The following CASC3 variants were observed in gnomAD, a reference collection of about 807,000 sequenced individuals.
CASC3 encodes the protein CASC3 exon junction complex subunit, also known as protein CASC3.
In CASC3, 30 loss-of-function variants were observed where a neutral mutation model predicts 80.5. That is an observed-to-expected ratio of 0.37 (90% CI 0.28 to 0.51). CASC3 has a LOEUF of 0.51. CASC3 is among the 20% of genes least tolerant of loss of function. CASC3 has a pLI of 0.94. For missense variants in CASC3, 824 were observed against 922.2 expected, an observed-to-expected ratio of 0.89 and a Z score of 1.38; for synonymous variants, 312 against 333.6, an observed-to-expected ratio of 0.94 and a Z score of 0.70.
intron 3 of CASC3, among the ~76,000 whole-genome samples, chr17:40,152,388 C>G (rs1379860064): frequency 6.6e-6 from 1 of 151,588 alleles, no homozygotes; most frequent in Non-Finnish European, 1.5e-5. Flanking sequence ...GTGGCATGAT[C>G]TCAGCTCACT....
intron 6 of CASC3, 142 bp downstream of exon 6, chr17:40,163,043 A>T: frequency 1.8e-6 from 1 of 556,578 alleles, no homozygotes; most frequent in South Asian, 3.0e-5. Flanking sequence ...GAACATAGTG[A>T]GACCCTGTCT....
intron 3 of CASC3, among the ~76,000 whole-genome samples, chr17:40,148,317 C>T (rs928604328): frequency 3.9e-5 from 6 of 151,968 alleles, no homozygotes; most frequent in South Asian, 2.1e-4. Flanking sequence ...CAGTGTAGGG[C>T]CCTGTCCCCA....
chr17:40,142,171 T>A (rs1190681949), intron 3 of CASC3, among the ~76,000 whole-genome samples: 1 of 152,164 alleles, frequency 6.6e-6, no homozygotes, highest in Non-Finnish European at 1.5e-5. Flanking sequence ...ATAGGGGGAA[T>A]TGGATGGTGG....
intron 3 of CASC3, 116 bp from the exon 4 acceptor site, chr17:40,161,637 C>A: frequency 1.2e-6 from 1 of 840,826 alleles, no homozygotes; most frequent in Non-Finnish European, 1.9e-6. Context: ...TGAGATTGTG[C>A]CACTGTATTC....
At position 40,140,799 on chromosome 17, in the gene CASC3, G is replaced by A; in HGVS notation, c.231+20G>A. ...GAGTGTGTGAGTGCGCGCAGGCGGGGCGGGGTGGGGACCGGGCGGCGAGCC... is the reference window on the plus strand; with the variant it reads ...GAGTGTGTGAGTGCGCGCAGGCGGGACGGGGTGGGGACCGGGCGGCGAGCC... On this transcript the variant is annotated intron_variant, in intron 1 of 13. Transcript: ENST00000264645. The A allele has an allele frequency of 7.0e-7, 1 of 1,425,178 alleles. No individual in the cohort carries two copies. The highest frequency in any genetic ancestry group is 9.2e-7 in the Non-Finnish European group (1 of 1,083,366). The allele number at this position is 1,425,178 out of a possible 1,614,324, so 88.3% of individuals were successfully genotyped here.
intron 3 of CASC3, among the ~76,000 whole-genome samples, chr17:40,152,922 G>A (rs937193937): frequency 1.3e-5 from 2 of 151,754 alleles, no homozygotes; most frequent in Admixed American, 6.6e-5. Context: ...GATTACAAGC[G>A]CCCACCACCA....
chr17:40,170,593 G>A lies in CASC3; in HGVS notation c.*188G>A. The A allele has an allele frequency of 1.0e-6, 1 of 985,586 alleles. No individual in the cohort carries two copies. The highest frequency in any genetic ancestry group is 1.2e-6 in the Non-Finnish European group (1 of 829,972). 61.1% of individuals were successfully genotyped at this position (985,586 alleles called of 1,614,324 possible). A position where few individuals can be genotyped will look rare whatever the true frequency, so the allele number is the denominator to read the frequency against. ...CTCTGAGGACAGGCTCTAGAGAGAG[G>A]GAGAAACAAGTGGACCTCGTCCCAT... On this transcript the variant is annotated 3_prime_UTR_variant, in exon 14 of 14. Coordinates refer to ENST00000264645, the MANE Select transcript of CASC3 (RefSeq NM_007359.5).
intron 5 of CASC3, 134 bp downstream of exon 5, chr17:40,162,287 G>A (rs1989322171): frequency 4.1e-6 from 4 of 979,884 alleles, no homozygotes; most frequent in Non-Finnish European, 5.9e-6. Context: ...GTACAAATGA[G>A]GAAAGTAGGC....
chr17:40,166,578 T>A (rs1989453938), intron 7 of CASC3, among the ~76,000 whole-genome samples: 1 of 152,228 alleles, frequency 6.6e-6, no homozygotes. Flanking sequence ...TATTTTTCAT[T>A]TTCAAGGGCT....
chr17:40,167,341 A>G, intron 8 of CASC3, 157 bp from the exon 9 acceptor site: 1 of 605,260 alleles, frequency 1.7e-6, no homozygotes, highest in Non-Finnish European at 3.0e-6. Flanking sequence ...GTTTAGGTTC[A>G]AATCTTGATA....
In CASC3 at chr17:40,140,787, C is replaced by T. The variant is rs778338353; in HGVS notation, c.231+8C>T. ...GCTGAGGAGTCGGAGTGTGTGAGTG[C>T]GCGCAGGCGGGGCGGGGTGGGGACC... On this transcript the variant is annotated splice_region_variant and intron_variant, in intron 1 of 13. Coordinates refer to ENST00000264645, the MANE Select transcript of CASC3 (RefSeq NM_007359.5). 74 of 1,082,126 alleles carry T rather than the reference C, an allele frequency of 6.8e-5. No individual in the cohort carries two copies. Among genetic ancestry groups the T allele is most frequent in the Admixed American group, 9.5e-5 (2 of 21,100 alleles). The allele number at this position is 1,082,126 out of a possible 1,614,324, so 67.0% of individuals were successfully genotyped here.
chr17:40,146,529 C>T lies in CASC3; in HGVS notation c.297+4922C>T, dbSNP rs568975619. 1.0e-3 allele frequency among the ~76,000 whole-genome samples: 154 copies of T among 151,576 alleles called. 3 individuals carry two copies. The highest frequency in any genetic ancestry group is 1.3e-3 in the Non-Finnish European group (86 of 67,832). ...TCAGCTCACTGCAACCTCTGCCTCCCGGGTTCAAGCGATTCTCGTGCCTCA... is the reference window on the plus strand; with the variant it reads ...TCAGCTCACTGCAACCTCTGCCTCCTGGGTTCAAGCGATTCTCGTGCCTCA... On this transcript the variant is annotated intron_variant, in intron 3 of 13. Transcript: ENST00000264645.
rs777990782 is a variant in CASC3, at chr17:40,161,845, G to A, written c.390G>A (p.Glu130=). 1.9e-6 allele frequency: 3 copies of A among 1,614,056 alleles called. No homozygotes were observed. The highest frequency in any genetic ancestry group is 1.3e-5 in the African/African-American group (1 of 74,928). The stretch of plus-strand genomic sequence containing the variant: ...CTGTTAATTCTTCAACAAAAGAAGA[G>A]AAGGGAGAAGAAAAGCCTGACACCA... ...NDAVNSSTKE[E]KGEEKPDTKS... is the part of the protein sequence containing the mutation. The change falls in exon 4 of 14, where the codon GAG becomes GAA. Residue 130 remains glutamate (E), a synonymous_variant. Transcript: ENST00000264645.
chr17:40,147,237 C>T (rs966514215), intron 3 of CASC3, among the ~76,000 whole-genome samples: 8 of 151,974 alleles, frequency 5.3e-5, no homozygotes, highest in African/African-American at 1.9e-4. Context: ...CGATGGTGCC[C>T]CTAAAGAAGG....
At chr17:40,140,899 TGAGAG>T in intron 1 of CASC3, 120 bp downstream of exon 1, 1 of 830,894 alleles carries the variant, frequency 1.2e-6, no homozygotes, top group Non-Finnish European at 1.8e-6. Flanking sequence ...TTTTTGTTTT[TGAGAG>T]AAAAGGGGAG....
At chr17:40,143,685 C>A (rs1307932824) in intron 3 of CASC3, among the ~76,000 whole-genome samples, 1 of 151,868 alleles carries the variant, frequency 6.6e-6, no homozygotes, top group Admixed American at 6.6e-5. Flanking sequence ...CAAAAATTAG[C>A]TGGGCGTGCT....
chr17:40,167,559 C>A lies in CASC3; in HGVS notation c.1598C>A (p.Pro533His), dbSNP rs1312579689. 6.2e-7 allele frequency: 1 copy of A among 1,614,028 alleles called. No individual in the cohort carries two copies. Among genetic ancestry groups the A allele is most frequent in the Non-Finnish European group, 8.5e-7 (1 of 1,179,990 alleles). ...SSQRQRPVPE[P>H]PAPPVHISIM... ...CAGCGGCAAAGACCTGTGCCAGAGC[C>A]CCCCGCCCCTCCAGTGCATATCAGT... Residue 533 changes from proline (P) to histidine (H), a missense_variant, in exon 9 of 14, where the codon CCC (proline) becomes CAC (histidine). Physicochemically the swap from Pro to His is moderately conservative, Grantham distance 77 (BLOSUM62 -2). Transcript: ENST00000264645.
Position 40,171,712 on chromosome 17 carries a change from A to AG in CASC3, c.*1311dup, listed in dbSNP as rs1206634981. 9.0e-7 allele frequency: 1 copy of AG among 1,112,956 alleles called. No individual in the cohort carries two copies. Among genetic ancestry groups the AG allele is most frequent in the Non-Finnish European group, 1.1e-6 (1 of 903,286 alleles). The allele number at this position is 1,112,956 out of a possible 1,614,324, so 68.9% of individuals were successfully genotyped here. On this transcript the variant is annotated 3_prime_UTR_variant, in exon 14 of 14. Coordinates refer to ENST00000264645, the MANE Select transcript of CASC3 (RefSeq NM_007359.5). The stretch of plus-strand genomic sequence containing the variant: ...TATTACTGCAGTACATACGTCTGCC[A>AG]GGGGTAACCTGGCCACTGTCCCTGT...
chr17:40,160,336 TA>T (rs1207972603), intron 3 of CASC3, among the ~76,000 whole-genome samples: 1 of 150,900 alleles, frequency 6.6e-6, no homozygotes, highest in Admixed American at 6.6e-5. Context: ...CTACTAAAAA[TA>T]AAAAAAAATC....
Sources: allele counts gnomAD v4.1 joint callset (sites outside exome capture counted in the v4.1 genomes callset), GRCh38; gene constraint gnomAD v4.1.1; transcripts MANE v1.5; gene names NCBI Gene and HGNC (gene_info 2026-07-23, HGNC 2026-07-21).